ARHGAP12: variants seen among roughly 807,000 people sequenced by gnomAD.
The protein encoded by ARHGAP12 is rho GTPase-activating protein 12.
In ARHGAP12, 64 loss-of-function variants were observed where a neutral mutation model predicts 108.6. That is an observed-to-expected ratio of 0.59 (90% CI 0.48 to 0.73). The LOEUF (loss-of-function observed/expected upper bound fraction) is 0.73. Ranked by LOEUF, ARHGAP12 falls within the 30% of genes least tolerant of loss-of-function variation. ARHGAP12 has a pLI of 0.00. For synonymous variants in ARHGAP12, 312 were observed against 337.2 expected, an observed-to-expected ratio of 0.93 and a Z score of 0.82; for missense variants, 940 against 1,005.9, an observed-to-expected ratio of 0.93 and a Z score of 0.89.
At chr10:31,830,576 A>G (rs1391428376) in intron 10 of ARHGAP12, among the ~76,000 whole-genome samples, 1 of 152,174 alleles carries the variant, frequency 6.6e-6, no homozygotes, top group Non-Finnish European at 1.5e-5. Flanking sequence ...ACTTAAAAAA[A>G]AAATCTAACT....
chr10:31,928,535 G>C lies in ARHGAP12; in HGVS notation c.-111+148C>G, dbSNP rs534424051. On this transcript the variant is annotated intron_variant, in intron 1 of 19. Transcript: ENST00000344936. Reference sequence around the variant, plus strand: ...ACCTCCCTTTGCGCGCACCTCCGCGGCGCCGCCGCCGCCGCCGCCGCGCCT... The same window carrying C: ...ACCTCCCTTTGCGCGCACCTCCGCGCCGCCGCCGCCGCCGCCGCCGCGCCT... 2.9e-3 allele frequency: 447 copies of C among 152,062 alleles called. 6 individuals are homozygous for C. Among genetic ancestry groups the C allele is most frequent in the Non-Finnish European group, 5.1e-3 (349 of 68,388 alleles). The allele number at this position is 152,062 out of a possible 1,614,324, so 9.4% of individuals were successfully genotyped here.
intron 3 of ARHGAP12, among the ~76,000 whole-genome samples, chr10:31,882,353 G>A (rs1182194922): frequency 1.3e-5 from 2 of 151,886 alleles, no homozygotes; most frequent in South Asian, 4.2e-4. Flanking sequence ...GTCCCCAAAA[G>A]TAATGTTGAT....
At chr10:31,852,668 T>G (rs974836663) in intron 5 of ARHGAP12, 71 bp from the exon 6 acceptor site, 2 of 930,808 alleles carry the variant, frequency 2.1e-6, no homozygotes, top group South Asian at 2.8e-5. Context: ...CTATCAGAGA[T>G]ACTAGATTTA....
intron 3 of ARHGAP12, among the ~76,000 whole-genome samples, chr10:31,881,067 C>G (rs1837933472): frequency 6.6e-6 from 1 of 151,834 alleles, no homozygotes; most frequent in Admixed American, 6.6e-5. Flanking sequence ...CTATCCCCCT[C>G]AGGCTCAGGT....
In ARHGAP12 at chr10:31,808,759, A is replaced by G. The variant is rs1238689162; in HGVS notation, c.2264-8T>C. ...GCTGTCTTGGTTCTTGCTCTGAAAA[A>G]AGATAATAACCAGATATTTTACAGC... On this transcript the variant is annotated splice_polypyrimidine_tract_variant and splice_region_variant and intron_variant, in intron 18 of 19. Transcript: ENST00000344936. The G allele has an allele frequency of 6.2e-7, 1 of 1,612,620 alleles. No homozygotes were observed. Among genetic ancestry groups the G allele is most frequent in the Non-Finnish European group, 8.5e-7 (1 of 1,179,308 alleles).
chr10:31,901,349 T>A (rs1323592397), intron 3 of ARHGAP12, among the ~76,000 whole-genome samples: 1 of 151,612 alleles, frequency 6.6e-6, no homozygotes, highest in Non-Finnish European at 1.5e-5. Context: ...CTGGCCAACA[T>A]GGTGAAACCC....
chr10:31,822,185 A>G (rs949398010), intron 11 of ARHGAP12, among the ~76,000 whole-genome samples: 1 of 152,208 alleles, frequency 6.6e-6, no homozygotes, highest in Admixed American at 6.5e-5. Context: ...CCACCAATGT[A>G]TTCATCACAA....
At chr10:31,894,331 T>C (rs965521042) in intron 3 of ARHGAP12, among the ~76,000 whole-genome samples, 2 of 152,118 alleles carry the variant, frequency 1.3e-5, no homozygotes, top group Non-Finnish European at 2.9e-5. Flanking sequence ...GATGACATGA[T>C]TGTATATCTA....
At chr10:31,831,475 C>T (rs958571973) in intron 10 of ARHGAP12, among the ~76,000 whole-genome samples, 11 of 149,124 alleles carry the variant, frequency 7.4e-5, no homozygotes, top group Non-Finnish European at 1.5e-4. Flanking sequence ...GCATTTACTG[C>T]TTACTGAAAA....
At chr10:31,875,031 A>G (rs1837679743) in intron 3 of ARHGAP12, among the ~76,000 whole-genome samples, 1 of 150,026 alleles carries the variant, frequency 6.7e-6, no homozygotes, top group Non-Finnish European at 1.5e-5. Flanking sequence ...TGTATCTGCC[A>G]GAAAACTTAC....
chr10:31,922,228 A>T (rs1839856072), intron 1 of ARHGAP12, among the ~76,000 whole-genome samples: 1 of 148,622 alleles, frequency 6.7e-6, no homozygotes. Flanking sequence ...AGCACAGATC[A>T]GTAAAACTGA....
intron 3 of ARHGAP12, among the ~76,000 whole-genome samples, chr10:31,894,146 G>T (rs1300611244): frequency 4.6e-5 from 7 of 152,186 alleles, no homozygotes; most frequent in Non-Finnish European, 7.3e-5. Flanking sequence ...ATATCATAGT[G>T]AATGGGCAAA....
intron 12 of ARHGAP12, among the ~76,000 whole-genome samples, chr10:31,819,062 C>CA (rs1178951012): frequency 1.3e-5 from 2 of 151,462 alleles, no homozygotes; most frequent in African/African-American, 2.4e-5. Context: ...AAGGGAAAAA[C>CA]AAAAAAATTG....
At chr10:31,807,914 T>C in intron 19 of ARHGAP12, 82 bp from the exon 20 acceptor site, 4 of 1,093,462 alleles carry the variant, frequency 3.7e-6, no homozygotes, top group Non-Finnish European at 5.0e-6. Context: ...ACCTAACAGT[T>C]TGCATTTTAA....
At chr10:31,832,932 G>T (rs563724304) in intron 9 of ARHGAP12, among the ~76,000 whole-genome samples, 26 of 152,130 alleles carry the variant, frequency 1.7e-4, no homozygotes, top group African/African-American at 5.5e-4. Flanking sequence ...AAGTTTTATT[G>T]TAATTTTTTC....
intron 7 of ARHGAP12, among the ~76,000 whole-genome samples, chr10:31,842,851 ATAAG>A (rs1836318564): frequency 6.6e-6 from 1 of 152,114 alleles, no homozygotes; most frequent in South Asian, 2.1e-4. Context: ...TACACTGTGA[ATAAG>A]TAACCTCTAA....
In ARHGAP12 at chr10:31,877,397, A is replaced by G. The variant is rs1431601318; in HGVS notation, c.685-15739T>C. ...ATCCATAACATTTTTCTAATTACCTATAGTTTCTAGAGGAAGACTGACATT... is the reference window on the plus strand; with the variant it reads ...ATCCATAACATTTTTCTAATTACCTGTAGTTTCTAGAGGAAGACTGACATT... On this transcript the variant is annotated intron_variant, in intron 3 of 19. Transcript: ENST00000344936. Among the ~76,000 whole-genome samples the G allele has an allele frequency of 2.6e-5, 4 of 152,222 alleles. No individual in the cohort carries two copies. The East Asian group carries it at 5.8e-4, about 22-fold the overall frequency.
At chr10:31,910,586 A>T (rs1346102497) in intron 1 of ARHGAP12, 23 bp from the exon 2 acceptor site, 1 of 152,250 alleles carries the variant, frequency 6.6e-6, no homozygotes, top group Non-Finnish European at 1.5e-5. Context: ...AAATAAGTTC[A>T]TTAACTCAAA....
chr10:31,806,934 A>G lies in ARHGAP12; in HGVS notation c.*724T>C, dbSNP rs1834840707. The G allele has an allele frequency of 6.6e-6, 1 of 152,376 alleles. No homozygotes were observed. Among genetic ancestry groups the G allele is most frequent in the Admixed American group, 6.5e-5 (1 of 15,278 alleles). 9.4% of individuals were successfully genotyped at this position (152,376 alleles called of 1,614,324 possible). ...TACCAATAACTCAGTATGGTACTAG[A>G]TATAATTAGGATTGTTAGCTACAAT... is the stretch of plus-strand genomic sequence containing the variant. On this transcript the variant is annotated 3_prime_UTR_variant, in exon 20 of 20. Transcript: ENST00000344936.
Sources: allele counts gnomAD v4.1 joint callset (sites outside exome capture counted in the v4.1 genomes callset), GRCh38; gene constraint gnomAD v4.1.1; transcripts MANE v1.5; gene names NCBI Gene and HGNC (gene_info 2026-07-23, HGNC 2026-07-21).